Variants in CEP63 observed in about 807,000 individuals in gnomAD.
CEP63 encodes the protein centrosomal protein 63.
Under a neutral mutation model 89.1 loss-of-function variants are expected in CEP63, and 84 were observed. The observed-to-expected ratio is 0.94, with a 90% confidence interval of 0.79 to 1.13. The LOEUF (loss-of-function observed/expected upper bound fraction) is 1.13, where lower values mean the gene tolerates loss of function less well. CEP63 is among the 50% of genes most tolerant of loss of function. The probability of loss-of-function intolerance (pLI) is 0.00; values close to 1 mark genes in which losing one functional copy is unlikely to be tolerated. For synonymous variants in CEP63, 267 were observed against 272.5 expected, an observed-to-expected ratio of 0.98 and a Z score of 0.20; for missense variants, 838 against 813.3, an observed-to-expected ratio of 1.03 and a Z score of -0.37.
At chr3:134,772,488 A>T in the CEP63 span, among the ~76,000 whole-genome samples, 1 of 147,714 alleles carries the variant, frequency 6.8e-6, no homozygotes, top group Non-Finnish European at 1.5e-5. Flanking sequence ...TGATCTTCTC[A>T]CCTCCCCTCC....
chr3:134,533,151 G>A lies in CEP63; in HGVS notation c.441+251G>A, dbSNP rs1284656248. On this transcript the variant is annotated intron_variant, in intron 5 of 14. Transcript: ENST00000675561. The stretch of plus-strand genomic sequence containing the variant: ...CCTTAGGGAGCATTTGCAAATGTAC[G>A]GAGACATATTTTTTTGGTTGTCAAA... Among the ~76,000 whole-genome samples the A allele has an allele frequency of 9.9e-5, 15 of 152,236 alleles. No individual in the cohort carries two copies. In the East Asian group the frequency reaches 1.2e-3, roughly 12 times the overall value.
chr3:134,538,826 A>G (rs555461353), intron 6 of CEP63, among the ~76,000 whole-genome samples: 45 of 151,924 alleles, frequency 3.0e-4, no homozygotes, highest in African/African-American at 9.9e-4. Flanking sequence ...TTGATTATAG[A>G]TTCTCTCTTC....
In CEP63 at chr3:134,554,073, A is replaced by G. The variant is rs182601515; in HGVS notation, c.1467+2061A>G. Reference sequence around the variant, plus strand: ...AAAGGATTTATTTTTGTTCTATTTTATTTTTATTTTTTTCCTTTTATTATT... The same window carrying G: ...AAAGGATTTATTTTTGTTCTATTTTGTTTTTATTTTTTTCCTTTTATTATT... On this transcript the variant is annotated intron_variant, in intron 12 of 14. Coordinates refer to ENST00000675561, the MANE Select transcript of CEP63 (RefSeq NM_001353108.3). Among the ~76,000 whole-genome samples, 4 of 152,192 alleles carry G rather than the reference A, an allele frequency of 2.6e-5. No individual in the cohort carries two copies. The East Asian group carries it at 7.7e-4, about 29-fold the overall frequency.
the CEP63 span, among the ~76,000 whole-genome samples, chr3:134,667,324 A>G: frequency 2.6e-5 from 4 of 152,068 alleles, no homozygotes; most frequent in Non-Finnish European, 5.9e-5. Context: ...ATTTTACAGG[A>G]GAGGAAGGGT....
the CEP63 span, among the ~76,000 whole-genome samples, chr3:134,622,959 G>A: frequency 6.6e-6 from 1 of 152,286 alleles, no homozygotes; most frequent in Non-Finnish European, 1.5e-5. Context: ...CTGACCTCTG[G>A]AGACCTCTGG....
At chr3:134,722,839 C>T in the CEP63 span, among the ~76,000 whole-genome samples, 4 of 152,232 alleles carry the variant, frequency 2.6e-5, no homozygotes, top group South Asian at 6.2e-4. Flanking sequence ...TCATGCTGCT[C>T]AGCTGTGTAT....
chr3:134,510,777 C>A, intron 3 of CEP63: 1 of 370,758 alleles, frequency 2.7e-6, no homozygotes, highest in Non-Finnish European at 5.2e-6. Context: ...CTCTGGTGTC[C>A]CACCCTGGCT....
At chr3:134,558,768 C>T (rs566323451) in intron 13 of CEP63, among the ~76,000 whole-genome samples, 40 of 152,184 alleles carry the variant, frequency 2.6e-4, no homozygotes, top group Non-Finnish European at 4.3e-4. Context: ...TACTATATGG[C>T]TTACATGTTT....
At chr3:134,774,136 A>G in the CEP63 span, among the ~76,000 whole-genome samples, 1 of 152,162 alleles carries the variant, frequency 6.6e-6, no homozygotes, top group Non-Finnish European at 1.5e-5. Flanking sequence ...TCCCATTGAC[A>G]TGCTCTGGGG....
chr3:134,504,802 C>T (rs2108353566), intron 2 of CEP63, among the ~76,000 whole-genome samples: 1 of 151,876 alleles, frequency 6.6e-6, no homozygotes, highest in East Asian at 1.9e-4. Context: ...CTTTTTTATT[C>T]TTTATTCTTT....
the CEP63 span, among the ~76,000 whole-genome samples, chr3:134,616,647 G>T: frequency 2.0e-5 from 3 of 152,182 alleles, no homozygotes; most frequent in Non-Finnish European, 4.4e-5. Flanking sequence ...GATGCAAAAT[G>T]TTAGGGAGAG....
intron 6 of CEP63, among the ~76,000 whole-genome samples, chr3:134,545,319 C>T (rs987997804): frequency 5.3e-5 from 8 of 151,910 alleles, no homozygotes; most frequent in African/African-American, 1.9e-4. Context: ...TTTATAAAGA[C>T]AGGGTTTCGC....
chr3:134,603,591 C>A, the CEP63 span: 1 of 1,581,046 alleles, frequency 6.3e-7, no homozygotes, highest in Non-Finnish European at 8.6e-7. Flanking sequence ...ACTGGGCATT[C>A]ACTTTGTATT....
intron 2 of CEP63, among the ~76,000 whole-genome samples, chr3:134,504,196 G>C (rs1175102062): frequency 6.7e-6 from 1 of 149,332 alleles, no homozygotes; most frequent in Non-Finnish European, 1.5e-5. Context: ...TATACTTTTT[G>C]TGTGTTTTCA....
chr3:134,632,759 T>C, the CEP63 span, among the ~76,000 whole-genome samples: 1 of 151,616 alleles, frequency 6.6e-6, no homozygotes, highest in Non-Finnish European at 1.5e-5. Flanking sequence ...AATAAGAGAA[T>C]AAATCACTGA....
chr3:134,487,080 T>C lies in CEP63; in HGVS notation c.-26+878T>C, dbSNP rs547635236. Among the ~76,000 whole-genome samples, 95 of 152,358 alleles carry C rather than the reference T, an allele frequency of 6.2e-4. No individual in the cohort carries two copies. In the Middle Eastern group the frequency reaches 0.014, roughly 22 times the overall value. ...GAGCCTTATGTCTGGTTAAACTTAT[T>C]AAAAGAATTTATTATTTTAATAAAG... On this transcript the variant is annotated intron_variant, in intron 1 of 14. Transcript: ENST00000675561.
chr3:134,753,674 G>A, the CEP63 span, among the ~76,000 whole-genome samples: 3 of 152,216 alleles, frequency 2.0e-5, no homozygotes, highest in Non-Finnish European at 4.4e-5. Context: ...CAGGCTGGGA[G>A]TTTGCAGGTA....
the CEP63 span, among the ~76,000 whole-genome samples, chr3:134,709,981 C>T: frequency 2.6e-5 from 4 of 152,216 alleles, no homozygotes; most frequent in African/African-American, 9.6e-5. Context: ...GTCTTCTCCC[C>T]ACTCCTCCCA....
downstream of CEP63, among the ~76,000 whole-genome samples, chr3:134,566,099 A>G (rs1957745596): frequency 6.7e-6 from 1 of 149,686 alleles, no homozygotes. Flanking sequence ...CCGCAGTGCA[A>G]TTTTGATAAT....
Sources: gnomAD v4.1 joint callset for allele counts (sites outside exome capture counted in the v4.1 genomes callset) on GRCh38, gnomAD v4.1.1 for gene constraint, MANE v1.5 for transcripts, NCBI Gene and HGNC (gene_info 2026-07-23, HGNC 2026-07-21) for gene names.